Variants in NGEF observed in about 807,000 individuals in gnomAD.
NGEF encodes ephexin-1.
Under a neutral mutation model 80.9 loss-of-function variants are expected in NGEF, and 31 were observed. The ratio of observed to expected loss-of-function variants is 0.38; its 90% CI spans 0.29 to 0.52. The LOEUF (loss-of-function observed/expected upper bound fraction) is 0.52, where lower values mean the gene tolerates loss of function less well. NGEF is among the 20% of genes least tolerant of loss of function. The pLI, the probability that NGEF is intolerant of heterozygous loss-of-function variation, is 0.84. For missense variants in NGEF, 709 were observed against 926.2 expected (o/e 0.77, Z 3.04); for synonymous variants, 371 against 370.2 (o/e 1.00, Z -0.03).
At chr2:232,955,194 A>G (rs372425987) in intron 3 of NGEF, among the ~76,000 whole-genome samples, 1 of 152,202 alleles carries the variant, frequency 6.6e-6, no homozygotes, top group South Asian at 2.1e-4. Context: ...AAAGTACAGT[A>G]CAAATAACTT....
At chr2:232,913,901 C>G (rs1692739944) in intron 5 of NGEF, among the ~76,000 whole-genome samples, 1 of 152,164 alleles carries the variant, frequency 6.6e-6, no homozygotes. Flanking sequence ...GCCTGGGCAA[C>G]AGAGTGAGAC....
chr2:232,926,150 TA>T (rs1693060863), intron 4 of NGEF, among the ~76,000 whole-genome samples: 1 of 152,158 alleles, frequency 6.6e-6, no homozygotes, highest in Non-Finnish European at 1.5e-5. Context: ...TGGAGGACAA[TA>T]ATTATATATC....
chr2:232,933,163 C>T (rs1328035177), intron 3 of NGEF, among the ~76,000 whole-genome samples: 2 of 149,010 alleles, frequency 1.3e-5, no homozygotes, highest in Non-Finnish European at 3.0e-5. Context: ...GCACTAAACC[C>T]ATTCATGAGG....
chr2:232,906,740 A>G (rs1270314020), intron 5 of NGEF, among the ~76,000 whole-genome samples: 2 of 150,738 alleles, frequency 1.3e-5, no homozygotes, highest in African/African-American at 2.4e-5. Context: ...GGAATAGAAA[A>G]GGGGGCAAGG....
chr2:232,880,231 C>T (rs917877675), intron 14 of NGEF, among the ~76,000 whole-genome samples: 3 of 152,214 alleles, frequency 2.0e-5, no homozygotes, highest in Admixed American at 1.3e-4. Flanking sequence ...CACGAGTAGT[C>T]TCAGCGTCAA....
chr2:232,935,748 A>G (rs890986656), intron 3 of NGEF, among the ~76,000 whole-genome samples: 3 of 152,254 alleles, frequency 2.0e-5, no homozygotes, highest in Admixed American at 2.0e-4. Context: ...TTCTATTTTC[A>G]GGGTCACATG....
chr2:232,909,763 C>T (rs1406309012), intron 5 of NGEF, among the ~76,000 whole-genome samples: 3 of 152,176 alleles, frequency 2.0e-5, no homozygotes, highest in African/African-American at 7.2e-5. Context: ...CCCATCTTGC[C>T]ATGCTCCCCG....
At chr2:232,971,952 C>G (rs957641259) in intron 2 of NGEF, among the ~76,000 whole-genome samples, 5 of 152,222 alleles carry the variant, frequency 3.3e-5, no homozygotes, top group African/African-American at 9.6e-5. Context: ...GCTTTTCTGT[C>G]TGCTTACAGT....
At chr2:232,912,382 G>A (rs1692707960) in intron 5 of NGEF, among the ~76,000 whole-genome samples, 1 of 151,924 alleles carries the variant, frequency 6.6e-6, no homozygotes, top group South Asian at 2.1e-4. Context: ...ATGCCATATT[G>A]CTCTTTTTAT....
In NGEF at chr2:232,920,485, CG is replaced by C; in HGVS notation, c.626del (p.Pro209ArgfsTer84). On this transcript the variant is annotated frameshift_variant, in exon 5 of 15. Transcript: ENST00000264051. LOFTEE classifies it high-confidence loss of function. ...AEIEDNTNGS[P>X]ASEDTPEEEE... is the part of the protein sequence containing the mutation. ...CCTCCTCCGGGGTGTCCTCACTGGCCGGGGACCCATTGGTATTGTCTTCTAT... is the reference window on the plus strand; with the variant it reads ...CCTCCTCCGGGGTGTCCTCACTGGCCGGGACCCATTGGTATTGTCTTCTAT... 1 of 1,611,924 alleles carries C rather than the reference CG, an allele frequency of 6.2e-7. No homozygotes were observed. The highest frequency in any genetic ancestry group is 8.5e-7 in the Non-Finnish European group (1 of 1,178,778).
At chr2:232,917,619 G>A (rs551881900) in intron 5 of NGEF, among the ~76,000 whole-genome samples, 3 of 151,782 alleles carry the variant, frequency 2.0e-5, no homozygotes, top group Non-Finnish European at 4.4e-5. Flanking sequence ...ACAGGGACCC[G>A]CCACCACGCC....
At chr2:232,962,026 C>G (rs1230808999) in intron 3 of NGEF, among the ~76,000 whole-genome samples, 2 of 152,222 alleles carry the variant, frequency 1.3e-5, no homozygotes, top group Non-Finnish European at 2.9e-5. Context: ...TGGGCTTCAT[C>G]TCTTCTACCT....
At chr2:232,992,882 G>T (rs542666201) in intron 1 of NGEF, among the ~76,000 whole-genome samples, 19 of 150,876 alleles carry the variant, frequency 1.3e-4, no homozygotes, top group Non-Finnish European at 2.5e-4. Context: ...AGCTATTCAG[G>T]AGGCTGAGGT....
At chr2:233,005,149 C>G (rs1342302360) in intron 1 of NGEF, among the ~76,000 whole-genome samples, 2 of 152,180 alleles carry the variant, frequency 1.3e-5, no homozygotes, top group Non-Finnish European at 1.5e-5. Flanking sequence ...TGGATCAGCA[C>G]CAACACATGG....
chr2:232,885,502 G>C, intron 9 of NGEF, 133 bp from the exon 10 acceptor site: 1 of 720,076 alleles, frequency 1.4e-6, no homozygotes, highest in East Asian at 2.5e-5. Context: ...GAGGCTGGCT[G>C]GCCAGTCTCA....
At chr2:232,959,972 C>A (rs568999925) in intron 3 of NGEF, among the ~76,000 whole-genome samples, 1 of 152,372 alleles carries the variant, frequency 6.6e-6, no homozygotes, top group East Asian at 1.9e-4. Flanking sequence ...GCTGTTAACA[C>A]TTAGTGTGGC....
chr2:232,886,697 T>C (rs1443620873), intron 9 of NGEF, among the ~76,000 whole-genome samples: 2 of 152,240 alleles, frequency 1.3e-5, no homozygotes, highest in Admixed American at 6.5e-5. Context: ...AAAAGAACTT[T>C]AAAAACAGAA....
At chr2:232,977,777 G>C (rs1245496581) in intron 1 of NGEF, among the ~76,000 whole-genome samples, 1 of 152,208 alleles carries the variant, frequency 6.6e-6, no homozygotes, top group Non-Finnish European at 1.5e-5. Flanking sequence ...GCACAGGCGG[G>C]GTGGTGGGGG....
In NGEF at chr2:232,970,200, C is replaced by T. The variant is rs779461410; in HGVS notation, c.383+14G>A. On this transcript the variant is annotated intron_variant, in intron 3 of 14. Transcript: ENST00000264051. ...TTCCCAGACCAGCATTCCTCATGAT[C>T]TGCCATCTCTTACCTCATTTCCTGG... 9.5e-6 allele frequency: 14 copies of T among 1,473,918 alleles called. No homozygotes were observed. The South Asian group carries it at 1.1e-4, about 12-fold the overall frequency. 91.3% of individuals were successfully genotyped at this position (1,473,918 alleles called of 1,614,324 possible).
Sources: allele counts gnomAD v4.1 joint callset (sites outside exome capture counted in the v4.1 genomes callset), GRCh38; gene constraint gnomAD v4.1.1; transcripts MANE v1.5; gene names NCBI Gene and HGNC (gene_info 2026-07-23, HGNC 2026-07-21).